RSU1: variants seen among roughly 807,000 people sequenced by gnomAD.
RSU1 encodes the protein Ras suppressor protein 1.
RSU1 carries 26 observed loss-of-function variants against 31.1 expected under a neutral mutation model. The ratio of observed to expected loss-of-function variants is 0.84; its 90% CI spans 0.61 to 1.16. The LOEUF is 1.16. Ranked by LOEUF, RSU1 falls within the 50% of genes most tolerant of loss-of-function variation. RSU1 has a pLI of 0.00. For synonymous variants in RSU1, 164 were observed against 136.3 expected (o/e 1.20, Z -1.41); for missense variants, 320 against 339.1 (o/e 0.94, Z 0.44).
chr10:16,630,094 C>G (rs922291571), intron 8 of RSU1, among the ~76,000 whole-genome samples: 12 of 151,750 alleles, frequency 7.9e-5, no homozygotes, highest in Non-Finnish European at 1.5e-4. Context: ...TTTTGAAAGG[C>G]GGCTTCTCAC....
chr10:16,628,380 C>T (rs187043477), intron 8 of RSU1, among the ~76,000 whole-genome samples: 31 of 152,332 alleles, frequency 2.0e-4, no homozygotes, highest in Admixed American at 3.9e-4. Context: ...TATGCTCACA[C>T]TTCTCAGTAG....
At chr10:16,643,005 GCTTA>G (rs1359983437) in intron 8 of RSU1, among the ~76,000 whole-genome samples, 2 of 152,146 alleles carry the variant, frequency 1.3e-5, no homozygotes, top group African/African-American at 2.4e-5. Context: ...AGTGTTTACT[GCTTA>G]CTTTACTTAG....
chr10:16,771,576 A>G (rs1412023869), intron 3 of RSU1, among the ~76,000 whole-genome samples: 1 of 152,224 alleles, frequency 6.6e-6, no homozygotes, highest in Non-Finnish European at 1.5e-5. Context: ...TCGCGTAGGA[A>G]TAATTACATT....
chr10:16,729,370 A>G (rs1038050123), intron 7 of RSU1, among the ~76,000 whole-genome samples: 1 of 152,148 alleles, frequency 6.6e-6, no homozygotes, highest in Non-Finnish European at 1.5e-5. Flanking sequence ...GTACCATGCT[A>G]TTGGTTTTCT....
intron 8 of RSU1, among the ~76,000 whole-genome samples, chr10:16,597,091 G>A (rs1401910993): frequency 2.6e-5 from 4 of 152,196 alleles, no homozygotes; most frequent in South Asian, 2.1e-4. Flanking sequence ...AGCAATACCC[G>A]AGTGTAAGGA....
At chr10:16,773,017 G>A (rs904173580) in intron 3 of RSU1, among the ~76,000 whole-genome samples, 1 of 151,946 alleles carries the variant, frequency 6.6e-6, no homozygotes, top group African/African-American at 2.4e-5. Flanking sequence ...GACCAGCCTG[G>A]GCAACAGGGC....
At chr10:16,679,646 T>C (rs903156802) in intron 8 of RSU1, among the ~76,000 whole-genome samples, 1 of 152,032 alleles carries the variant, frequency 6.6e-6, no homozygotes, top group Non-Finnish European at 1.5e-5. Context: ...CACGTGGACG[T>C]GAGGTGGAAA....
chr10:16,802,192 CAA>C (rs61697827), intron 2 of RSU1, among the ~76,000 whole-genome samples: 21 of 114,150 alleles, frequency 1.8e-4, no homozygotes, highest in African/African-American at 3.1e-4. Flanking sequence ...GGAGGCTAAC[CAA>C]AAAAAAAAAA....
At chr10:16,761,325 T>C (rs915514203) in intron 4 of RSU1, among the ~76,000 whole-genome samples, 1 of 152,190 alleles carries the variant, frequency 6.6e-6, no homozygotes, top group Non-Finnish European at 1.5e-5. Flanking sequence ...TTGTTTATAG[T>C]TGGTTTCTCC....
intron 2 of RSU1, among the ~76,000 whole-genome samples, chr10:16,802,672 T>C (rs1270437084): frequency 1.3e-5 from 2 of 152,080 alleles, no homozygotes; most frequent in Non-Finnish European, 2.9e-5. Flanking sequence ...AATTCAAAAA[T>C]GTACTAAGAG....
At chr10:16,733,629 AG>A (rs1286296319) in intron 7 of RSU1, among the ~76,000 whole-genome samples, 18 of 152,370 alleles carry the variant, frequency 1.2e-4, no homozygotes, top group African/African-American at 3.4e-4. Context: ...GTAATAAATT[AG>A]GGTTCAAAGA....
At chr10:16,786,047 A>C (rs2131653582) in intron 2 of RSU1, among the ~76,000 whole-genome samples, 1 of 152,200 alleles carries the variant, frequency 6.6e-6, no homozygotes, top group East Asian at 1.9e-4. Context: ...AAAATCTAAA[A>C]TTTCGTTGGT....
At chr10:16,684,182 G>T (rs1018264336) in intron 8 of RSU1, among the ~76,000 whole-genome samples, 1 of 152,188 alleles carries the variant, frequency 6.6e-6, no homozygotes, top group Non-Finnish European at 1.5e-5. Flanking sequence ...CACCCACAAA[G>T]GATGGCTGTG....
In RSU1 at chr10:16,670,262, A is replaced by T. The variant is rs145729550; in HGVS notation, c.731+24761T>A. Among the ~76,000 whole-genome samples the T allele has an allele frequency of 9.2e-3, 1,409 of 152,334 alleles. 8 individuals are homozygous for T. The highest frequency in any genetic ancestry group is 0.011 in the Non-Finnish European group (776 of 68,028). On this transcript the variant is annotated intron_variant, in intron 8 of 8. Coordinates refer to ENST00000345264, the MANE Select transcript of RSU1 (RefSeq NM_012425.4). ...CTTGGTGCCTAAAATGAAAAGAGAT[A>T]GATTTCGACAGTGTTCACTGAGCTT...
chr10:16,746,486 G>T (rs985827785), intron 7 of RSU1, among the ~76,000 whole-genome samples: 8 of 152,018 alleles, frequency 5.3e-5, no homozygotes, highest in South Asian at 2.1e-4. Flanking sequence ...AACCAGAAAC[G>T]ATTCCAATTC....
chr10:16,798,451 T>C (rs532801183), intron 2 of RSU1, among the ~76,000 whole-genome samples: 2 of 152,284 alleles, frequency 1.3e-5, no homozygotes, highest in South Asian at 4.1e-4. Context: ...GTTTCCCCCA[T>C]ACTGTTCCCC....
At chr10:16,627,114 C>T (rs549750343) in intron 8 of RSU1, among the ~76,000 whole-genome samples, 2 of 152,324 alleles carry the variant, frequency 1.3e-5, no homozygotes, top group East Asian at 1.9e-4. Context: ...ACAGGACGAC[C>T]AGTTCTAGTG....
At chr10:16,613,842 A>G (rs1378255998) in intron 8 of RSU1, among the ~76,000 whole-genome samples, 3 of 152,066 alleles carry the variant, frequency 2.0e-5, no homozygotes, top group Non-Finnish European at 2.9e-5. Context: ...CCCAGACATG[A>G]CATCTTGCTT....
intron 7 of RSU1, among the ~76,000 whole-genome samples, chr10:16,720,903 C>G (rs1836244877): frequency 2.0e-5 from 3 of 152,108 alleles, no homozygotes; most frequent in Admixed American, 1.3e-4. Flanking sequence ...GGAGGATCAC[C>G]TGAGCCCTGA....
Sources: gnomAD v4.1 joint callset for allele counts (sites outside exome capture counted in the v4.1 genomes callset) on GRCh38, gnomAD v4.1.1 for gene constraint, MANE v1.5 for transcripts, NCBI Gene and HGNC (gene_info 2026-07-23, HGNC 2026-07-21) for gene names.